MIS18A: variants seen among roughly 807,000 people sequenced by gnomAD.
The protein encoded by MIS18A is MIS18 kinetochore protein A.
MIS18A carries 14 observed loss-of-function variants against 25.0 expected under a neutral mutation model. The ratio of observed to expected loss-of-function variants is 0.56; its 90% CI spans 0.37 to 0.88. The LOEUF (loss-of-function observed/expected upper bound fraction) is 0.88, where lower values mean the gene tolerates loss of function less well. MIS18A is among the 40% of genes least tolerant of loss of function. The pLI, the probability that MIS18A is intolerant of heterozygous loss-of-function variation, is 0.00. For synonymous variants in MIS18A, 134 were observed against 118.6 expected, an observed-to-expected ratio of 1.13 and a Z score of -0.84; for missense variants, 292 against 290.8, an observed-to-expected ratio of 1.00 and a Z score of -0.03.
chr21:32,266,719 A>T (rs1374222682), downstream of MIS18A, among the ~76,000 whole-genome samples: 1 of 151,842 alleles, frequency 6.6e-6, no homozygotes, highest in Admixed American at 6.6e-5. Context: ...GACAGACTCC[A>T]GACGCGCCAC....
the MIS18A span, among the ~76,000 whole-genome samples, chr21:32,240,553 T>C: frequency 1.3e-5 from 2 of 152,220 alleles, no homozygotes; most frequent in African/African-American, 2.4e-5. Context: ...ACCGTGACCC[T>C]GGGCAAAATC....
the MIS18A span, among the ~76,000 whole-genome samples, chr21:32,252,717 TG>T: frequency 2.0e-5 from 3 of 152,208 alleles, no homozygotes; most frequent in Admixed American, 6.5e-5. Flanking sequence ...AAGAAATATA[TG>T]TCAGCTTTAC....
chr21:32,173,520 A>G, the MIS18A span, among the ~76,000 whole-genome samples: 1 of 152,248 alleles, frequency 6.6e-6, no homozygotes, highest in Non-Finnish European at 1.5e-5. Context: ...ATTTTTTATA[A>G]TAGCCAAAAA....
At chr21:32,237,752 A>G in the MIS18A span, among the ~76,000 whole-genome samples, 11 of 152,334 alleles carry the variant, frequency 7.2e-5, no homozygotes. Context: ...CCTGATGATT[A>G]GGAAAAATGA....
chr21:32,158,480 T>C, the MIS18A span, among the ~76,000 whole-genome samples: 1 of 152,118 alleles, frequency 6.6e-6, no homozygotes, highest in Non-Finnish European at 1.5e-5. Context: ...GATTTTTTTT[T>C]TTTTTCTTTT....
the MIS18A span, among the ~76,000 whole-genome samples, chr21:32,212,738 C>A: frequency 6.6e-6 from 1 of 151,928 alleles, no homozygotes; most frequent in South Asian, 2.1e-4. Flanking sequence ...ATCATGGGGG[C>A]AGTTTCCCTC....
At chr21:32,228,576 C>A in the MIS18A span, among the ~76,000 whole-genome samples, 51 of 152,208 alleles carry the variant, frequency 3.4e-4, no homozygotes, top group African/African-American at 1.2e-3. Flanking sequence ...TGGCAGATGG[C>A]ATGATTTTGC....
the MIS18A span, among the ~76,000 whole-genome samples, chr21:32,186,100 C>T: frequency 1.3e-5 from 2 of 152,144 alleles, no homozygotes; most frequent in Non-Finnish European, 2.9e-5. Flanking sequence ...CATCTCAGCC[C>T]TAGACAATGT....
chr21:32,262,806 T>C, the MIS18A span, among the ~76,000 whole-genome samples: 1 of 152,218 alleles, frequency 6.6e-6, no homozygotes. Flanking sequence ...TTGAATGAAA[T>C]GAGGCCAGTT....
downstream of MIS18A, among the ~76,000 whole-genome samples, chr21:32,265,651 G>C (rs543469547): frequency 6.6e-6 from 1 of 152,314 alleles, no homozygotes. Context: ...GAGCCTCCCC[G>C]ACGAGCACCA....
chr21:32,265,089 G>C (rs980813061), downstream of MIS18A, among the ~76,000 whole-genome samples: 2 of 152,208 alleles, frequency 1.3e-5, no homozygotes, highest in Non-Finnish European at 2.9e-5. Flanking sequence ...CTTCTGGGGA[G>C]ATCTGTCTGA....
At chr21:32,277,207 A>G (rs1015164561) in intron 1 of MIS18A, among the ~76,000 whole-genome samples, 1 of 152,204 alleles carries the variant, frequency 6.6e-6, no homozygotes, top group Non-Finnish European at 1.5e-5. Context: ...TTAAATTTTA[A>G]ACTACTATTT....
the MIS18A span, among the ~76,000 whole-genome samples, chr21:32,167,492 A>G: frequency 6.6e-6 from 1 of 152,252 alleles, no homozygotes; most frequent in Non-Finnish European, 1.5e-5. Context: ...TAAAAACATA[A>G]CATGAGGTTA....
At chr21:32,257,134 G>A in the MIS18A span, among the ~76,000 whole-genome samples, 1 of 152,270 alleles carries the variant, frequency 6.6e-6, no homozygotes, top group South Asian at 2.1e-4. Context: ...CTTAAGTTTC[G>A]ACTGGTTATG....
chr21:32,161,330 CA>C, the MIS18A span, among the ~76,000 whole-genome samples: 7 of 152,112 alleles, frequency 4.6e-5, no homozygotes, highest in Admixed American at 4.6e-4. Flanking sequence ...GTGACCTTGA[CA>C]GTTATGAAGA....
At chr21:32,201,578 T>C in the MIS18A span, among the ~76,000 whole-genome samples, 2 of 152,100 alleles carry the variant, frequency 1.3e-5, no homozygotes, top group Admixed American at 1.3e-4. Context: ...CCCAACACTT[T>C]GGGAGGCCGA....
At chr21:32,156,226 A>G in the MIS18A span, among the ~76,000 whole-genome samples, 1 of 152,248 alleles carries the variant, frequency 6.6e-6, no homozygotes, top group East Asian at 1.9e-4. Context: ...AATTAGTTCT[A>G]GAAAAGAGCC....
rs374543808 is a variant in MIS18A at position 32,268,599 on chromosome 21, A to T, written c.*438T>A. The T allele has an allele frequency of 1.3e-5, 2 of 152,456 alleles. No homozygotes were observed. Among genetic ancestry groups the T allele is most frequent in the South Asian group, 2.1e-4 (1 of 4,828 alleles). The allele number at this position is 152,456 out of a possible 1,614,324, so 9.4% of individuals were successfully genotyped here. On this transcript the variant is annotated 3_prime_UTR_variant, in exon 5 of 5. Transcript: ENST00000290130. ...AATGTTGTCCCAAGTGTTAAATGTCAAAGTTTTTAAAAATAGTAAATAAAT... is the reference window on the plus strand; with the variant it reads ...AATGTTGTCCCAAGTGTTAAATGTCTAAGTTTTTAAAAATAGTAAATAAAT...
At chr21:32,187,731 C>T in the MIS18A span, among the ~76,000 whole-genome samples, 13 of 152,072 alleles carry the variant, frequency 8.5e-5, no homozygotes, top group Middle Eastern at 3.2e-3. Context: ...TGGGAGATGA[C>T]GAAGAAATCC....
Sources: gnomAD v4.1 joint callset for allele counts (sites outside exome capture counted in the v4.1 genomes callset) on GRCh38, gnomAD v4.1.1 for gene constraint, MANE v1.5 for transcripts, NCBI Gene and HGNC (gene_info 2026-07-23, HGNC 2026-07-21) for gene names.